The following NUP210L variants were observed in gnomAD, a reference collection of about 807,000 sequenced individuals.
NUP210L encodes nuclear pore membrane glycoprotein 210-like.
A neutral mutation model predicts 208.5 loss-of-function variants in NUP210L; 74 were observed. That is an observed-to-expected ratio of 0.35 (90% CI 0.29 to 0.43). NUP210L has a LOEUF of 0.43. NUP210L is among the 20% of genes least tolerant of loss of function. The pLI is 1.00. For missense variants in NUP210L, 1,843 were observed against 2,289.4 expected (o/e 0.81, Z 3.98); for synonymous variants, 780 against 816.9 (o/e 0.95, Z 0.77).
exon 38 of NUP210L, chr1:153,995,092 T>C: frequency 6.2e-7 from 1 of 1,610,948 alleles, no homozygotes. Context: ...AGATGGAAGC[T>C]GTTGATGCCA....
At chr1:154,125,620 T>TGAAA (rs1557994548) in intron 10 of NUP210L, among the ~76,000 whole-genome samples, 4 of 64,242 alleles carry the variant, frequency 6.2e-5, no homozygotes, top group South Asian at 9.7e-4. Context: ...AGGCCCTCTC[T>TGAAA]GAAAGGAAGG....
chr1:153,995,421 T>C (rs1649784512), intron 37 of NUP210L, among the ~76,000 whole-genome samples: 1 of 152,176 alleles, frequency 6.6e-6, no homozygotes, highest in Non-Finnish European at 1.5e-5. Context: ...GCCTTCTTAG[T>C]AAGAGAGAAG....
chr1:154,093,527 G>A (rs1215761555), intron 15 of NUP210L, among the ~76,000 whole-genome samples: 2 of 152,156 alleles, frequency 1.3e-5, no homozygotes, highest in African/African-American at 2.4e-5. Flanking sequence ...ATACAGTAAA[G>A]TTCACTACAA....
intron 27 of NUP210L, among the ~76,000 whole-genome samples, chr1:154,039,235 C>CTTT (rs76369289): frequency 7.4e-6 from 1 of 135,248 alleles, no homozygotes; most frequent in Non-Finnish European, 1.6e-5. Context: ...TTCTGGGAAA[C>CTTT]TTTTTTTTTT....
chr1:154,016,053 G>A (rs1461520321), intron 33 of NUP210L, among the ~76,000 whole-genome samples: 1 of 151,918 alleles, frequency 6.6e-6, no homozygotes, highest in African/African-American at 2.4e-5. Context: ...CTAGGAGTTT[G>A]AGACCAGCCT....
rs546148286 is a variant in NUP210L, at chr1:153,994,596, G to A, written c.5491+480C>T. On this transcript the variant is annotated intron_variant, in intron 38 of 39. Coordinates refer to ENST00000368559, the Ensembl canonical transcript of NUP210L. The stretch of plus-strand genomic sequence containing the variant: ...CAAAGTGCTGGGATTACAGGCATAA[G>A]CCACCATGCCCGGCTGAGGGGGACC... 4.3e-4 allele frequency among the ~76,000 whole-genome samples: 66 copies of A among 151,960 alleles called. 1 individual carries two copies. In the South Asian group the frequency reaches 0.013, roughly 30 times the overall value.
At chr1:154,147,321 T>C (rs892338987) in intron 2 of NUP210L, among the ~76,000 whole-genome samples, 1 of 152,018 alleles carries the variant, frequency 6.6e-6, no homozygotes, top group Non-Finnish European at 1.5e-5. Context: ...CAAACCCAAA[T>C]TGAGAAACTT....
At chr1:154,128,425 C>T (rs1658092675) in intron 8 of NUP210L, among the ~76,000 whole-genome samples, 1 of 152,116 alleles carries the variant, frequency 6.6e-6, no homozygotes, top group South Asian at 2.1e-4. Flanking sequence ...TTGGAGGCTA[C>T]AGTGGGCTGT....
intron 13 of NUP210L, among the ~76,000 whole-genome samples, chr1:154,103,078 C>CTAA (rs34666241): frequency 0.24 from 35,564 of 149,206 alleles, 4,910 homozygotes; most frequent in Admixed American, 0.35. Context: ...GACCCTGTCT[C>CTAA]TAATAATAAT....
chr1:153,995,821 C>T (rs1649821447), intron 37 of NUP210L: 1 of 627,400 alleles, frequency 1.6e-6, no homozygotes, highest in Admixed American at 1.9e-5. Context: ...ACCTGAAGTT[C>T]TTACGAGATT....
chr1:153,994,607 C>T (rs571123776), intron 38 of NUP210L, among the ~76,000 whole-genome samples: 17 of 152,078 alleles, frequency 1.1e-4, no homozygotes, highest in African/African-American at 3.6e-4. Flanking sequence ...CCACCATGCC[C>T]GGCTGAGGGG....
At chr1:153,999,787 C>A (rs977229692) in intron 37 of NUP210L, among the ~76,000 whole-genome samples, 1 of 131,622 alleles carries the variant, frequency 7.6e-6, no homozygotes, top group Non-Finnish European at 1.6e-5. Context: ...AGTATACTTA[C>A]AAAGCTGGCA....
intron 30 of NUP210L, among the ~76,000 whole-genome samples, chr1:154,024,406 A>T (rs1386506529): frequency 6.6e-6 from 1 of 152,202 alleles, no homozygotes; most frequent in Non-Finnish European, 1.5e-5. Context: ...TAAAAGAGAT[A>T]ATATACATAC....
intron 27 of NUP210L, among the ~76,000 whole-genome samples, chr1:154,042,752 A>G (rs368613666): frequency 8.1e-4 from 114 of 141,402 alleles, no homozygotes; most frequent in African/African-American, 2.3e-3. Flanking sequence ...ACAAGGTCTC[A>G]CTCTGTTGCC....
intron 10 of NUP210L, among the ~76,000 whole-genome samples, chr1:154,122,639 A>G (rs763189877): frequency 6.6e-6 from 1 of 152,166 alleles, no homozygotes; most frequent in Non-Finnish European, 1.5e-5. Flanking sequence ...TGGGAAACAG[A>G]GCAAAACTCC....
At chr1:154,059,841 A>G (rs567534749) in intron 20 of NUP210L, among the ~76,000 whole-genome samples, 1 of 152,222 alleles carries the variant, frequency 6.6e-6, no homozygotes, top group Admixed American at 6.5e-5. Context: ...AATAGATGGT[A>G]TTATTTTTAT....
intron 37 of NUP210L, among the ~76,000 whole-genome samples, chr1:153,998,770 A>G (rs1327286286): frequency 3.0e-5 from 4 of 135,418 alleles, no homozygotes; most frequent in Non-Finnish European, 4.6e-5. Flanking sequence ...CCCAGGCTGG[A>G]GTGCAGTGGT....
intron 25 of NUP210L, among the ~76,000 whole-genome samples, chr1:154,052,114 C>A (rs1278092002): frequency 2.0e-5 from 3 of 152,224 alleles, no homozygotes; most frequent in African/African-American, 7.2e-5. Context: ...ATGCTATCAG[C>A]AGCTGAACAG....
intron 4 of NUP210L, 47 bp from the exon 5 acceptor site, chr1:154,139,999 G>T (rs775287571): frequency 6.7e-7 from 1 of 1,484,420 alleles, no homozygotes; most frequent in Non-Finnish European, 9.3e-7. Context: ...TAAACGAAGG[G>T]TTCTTCCAAA....
Sources: gnomAD v4.1 joint callset for allele counts (sites outside exome capture counted in the v4.1 genomes callset) on GRCh38, gnomAD v4.1.1 for gene constraint, MANE v1.5 for transcripts, NCBI Gene and HGNC (gene_info 2026-07-23, HGNC 2026-07-21) for gene names.